The following USH2A variants were observed in gnomAD, a reference collection of about 807,000 sequenced individuals.
The protein encoded by USH2A is usherin.
Under a neutral mutation model 538.9 loss-of-function variants are expected in USH2A, and 443 were observed. The ratio of observed to expected loss-of-function variants is 0.82; its 90% CI spans 0.76 to 0.89. The LOEUF (loss-of-function observed/expected upper bound fraction) is 0.89, where lower values mean the gene tolerates loss of function less well. Ranked by LOEUF, USH2A falls within the 40% of genes least tolerant of loss-of-function variation. The probability of loss-of-function intolerance (pLI) is 0.00; values close to 1 mark genes in which losing one functional copy is unlikely to be tolerated. For synonymous variants in USH2A, 2,413 were observed against 2,273.5 expected (o/e 1.06, Z -1.75); for missense variants, 6,633 against 6,324.8 (o/e 1.05, Z -1.65).
intron 10 of USH2A, among the ~76,000 whole-genome samples, chr1:216,291,539 A>C (rs2037002199): frequency 6.6e-6 from 1 of 152,192 alleles, no homozygotes; most frequent in African/African-American, 2.4e-5. Context: ...CAGCCGATAA[A>C]TGGATTCATG....
intron 47 of USH2A, among the ~76,000 whole-genome samples, chr1:215,823,665 A>G (rs1191292794): frequency 6.6e-6 from 1 of 152,040 alleles, no homozygotes; most frequent in African/African-American, 2.4e-5. Context: ...TTGAACACCA[A>G]TAATTCCTAG....
At chr1:216,240,013 CA>C (rs55691066) in intron 13 of USH2A, among the ~76,000 whole-genome samples, 2,395 of 112,238 alleles carry the variant, frequency 0.021, 41 homozygotes, top group African/African-American at 0.075. Flanking sequence ...ATGAAATAAA[CA>C]AAAAAAAAAA....
chr1:216,132,938 T>G (rs2033407382), intron 21 of USH2A, among the ~76,000 whole-genome samples: 1 of 152,104 alleles, frequency 6.6e-6, no homozygotes, highest in Admixed American at 6.6e-5. Flanking sequence ...TCTTTCCCAG[T>G]GGGATAAGAA....
At chr1:215,892,215 T>C (rs1665227635) in intron 40 of USH2A, among the ~76,000 whole-genome samples, 1 of 152,180 alleles carries the variant, frequency 6.6e-6, no homozygotes, top group Non-Finnish European at 1.5e-5. Flanking sequence ...TGAGTGTGTA[T>C]ATAACTTTCA....
At chr1:216,178,577 CATA>C (rs930177996) in intron 20 of USH2A, among the ~76,000 whole-genome samples, 1 of 152,104 alleles carries the variant, frequency 6.6e-6, no homozygotes, top group Non-Finnish European at 1.5e-5. Flanking sequence ...GAACCAATTA[CATA>C]ATGTTTAAAT....
At chr1:216,030,546 TATAG>T (rs1558220982) in intron 32 of USH2A, among the ~76,000 whole-genome samples, 1 of 139,630 alleles carries the variant, frequency 7.2e-6, no homozygotes, top group African/African-American at 2.8e-5. Context: ...ATAAATGATA[TATAG>T]ATATATATCA....
intron 11 of USH2A, among the ~76,000 whole-genome samples, chr1:216,286,894 C>T (rs1445841419): frequency 6.6e-6 from 1 of 152,060 alleles, no homozygotes; most frequent in Non-Finnish European, 1.5e-5. Context: ...AACACCAGTT[C>T]TGCATTTCTT....
intron 3 of USH2A, among the ~76,000 whole-genome samples, chr1:216,371,075 G>C (rs1231231801): frequency 6.6e-6 from 1 of 152,138 alleles, no homozygotes. Context: ...TGCAGATTTT[G>C]GGAACGCCTT....
At chr1:216,188,138 C>A (rs1310401205) in intron 20 of USH2A, among the ~76,000 whole-genome samples, 1 of 151,828 alleles carries the variant, frequency 6.6e-6, no homozygotes, top group Non-Finnish European at 1.5e-5. Context: ...AATCGCCTCA[C>A]CAGTAACTAA....
At chr1:215,973,853 T>C (rs1667554209) in intron 35 of USH2A, among the ~76,000 whole-genome samples, 1 of 151,864 alleles carries the variant, frequency 6.6e-6, no homozygotes, top group Non-Finnish European at 1.5e-5. Flanking sequence ...TGACAGTTAA[T>C]TCAACTGCTC....
intron 49 of USH2A, among the ~76,000 whole-genome samples, chr1:215,811,941 A>AAC (rs1662700828): frequency 6.7e-6 from 1 of 150,320 alleles, no homozygotes; most frequent in Non-Finnish European, 1.5e-5. Context: ...ACAAACAAAA[A>AAC]ACAAAAACAA....
intron 3 of USH2A, 105 bp from the exon 4 acceptor site, chr1:216,365,190 T>C: frequency 1.5e-6 from 2 of 1,343,234 alleles, no homozygotes; most frequent in South Asian, 2.9e-5. Context: ...TTCTTTACTT[T>C]GTTCAGCTGG....
intron 11 of USH2A, among the ~76,000 whole-genome samples, chr1:216,261,668 G>A (rs1479401836): frequency 1.3e-5 from 2 of 152,026 alleles, no homozygotes; most frequent in Non-Finnish European, 2.9e-5. Context: ...CTTAATGGCT[G>A]GCAAACCAAC....
intron 64 of USH2A, among the ~76,000 whole-genome samples, chr1:215,654,339 G>A (rs1188758385): frequency 2.6e-5 from 4 of 152,002 alleles, no homozygotes; most frequent in African/African-American, 7.3e-5. Context: ...CCTCTTACAG[G>A]CCCTGGTGTG....
chr1:216,411,612 T>C, intron 3 of USH2A, among the ~76,000 whole-genome samples: 1 of 152,208 alleles, frequency 6.6e-6, no homozygotes, highest in East Asian at 1.9e-4. Context: ...TCTCATGCAG[T>C]GGGTGGTGGC....
intron 21 of USH2A, among the ~76,000 whole-genome samples, chr1:216,157,371 T>C (rs559385683): frequency 6.6e-6 from 1 of 152,344 alleles, no homozygotes; most frequent in South Asian, 2.1e-4. Flanking sequence ...TATGCACGAT[T>C]GGTGGAAATG....
intron 61 of USH2A, among the ~76,000 whole-genome samples, chr1:215,710,000 C>T (rs1340581323): frequency 6.6e-6 from 1 of 152,200 alleles, no homozygotes; most frequent in Non-Finnish European, 1.5e-5. Context: ...TTTACACTGC[C>T]TCTCACTGCT....
At chr1:216,220,663 A>G (rs2035439079) in intron 14 of USH2A, among the ~76,000 whole-genome samples, 1 of 151,984 alleles carries the variant, frequency 6.6e-6, no homozygotes, top group Admixed American at 6.6e-5. Flanking sequence ...CTGGATGTAA[A>G]TTCATAATGA....
At position 215,970,754 on chromosome 1, in the gene USH2A, T is replaced by C. The variant is rs1375426330; in HGVS notation, c.6828A>G (p.Leu2276=). 5.6e-6 allele frequency: 9 copies of C among 1,613,396 alleles called. No individual in the cohort carries two copies. The highest frequency in any genetic ancestry group is 4.4e-5 in the South Asian group (4 of 91,084). ...YPNGVITSYG[L]YLDGILIHNS... is the part of the protein sequence containing the mutation. ...TGTGGATTAATATACCATCTAGATA[T>C]AATCCATAACTCGTGATAACACCTG... The change falls in exon 36 of 72, where the codon TTA becomes TTG. Residue 2276 remains leucine (L), a synonymous_variant. Transcript: ENST00000307340.
Sources: gnomAD v4.1 joint callset for allele counts (sites outside exome capture counted in the v4.1 genomes callset) on GRCh38, gnomAD v4.1.1 for gene constraint, MANE v1.5 for transcripts, NCBI Gene and HGNC (gene_info 2026-07-23, HGNC 2026-07-21) for gene names.